Variants in TYW1B observed in about 807,000 individuals in gnomAD.
TYW1B encodes the protein S-adenosyl-L-methionine-dependent tRNA 4-demethylwyosine synthase TYW1B.
In TYW1B, 73 loss-of-function variants were observed where a neutral mutation model predicts 86.9. The observed-to-expected ratio is 0.84, with a 90% confidence interval of 0.70 to 1.02. TYW1B has a LOEUF of 1.02. TYW1B is among the 50% of genes least tolerant of loss of function. The probability of loss-of-function intolerance (pLI) is 0.00; values close to 1 mark genes in which losing one functional copy is unlikely to be tolerated. For synonymous variants in TYW1B, 248 were observed against 292.8 expected, an observed-to-expected ratio of 0.85 and a Z score of 1.56; for missense variants, 637 against 827.4, an observed-to-expected ratio of 0.77 and a Z score of 2.82.
At chr7:72,726,160 G>A (rs1460658561) in intron 9 of TYW1B, among the ~76,000 whole-genome samples, 1 of 152,006 alleles carries the variant, frequency 6.6e-6, no homozygotes, top group Non-Finnish European at 1.5e-5. Flanking sequence ...CTTTATCCAA[G>A]TATAAGAATG....
chr7:72,735,531 C>T (rs9638309), intron 8 of TYW1B, among the ~76,000 whole-genome samples: 103,639 of 148,658 alleles, frequency 0.7, 36,893 homozygotes, highest in Non-Finnish European at 0.77. Flanking sequence ...AAGATTGTGT[C>T]ACTGCACTCC....
At chr7:72,827,877 T>C (rs1220943833) in intron 1 of TYW1B, among the ~76,000 whole-genome samples, 195 bp downstream of exon 1, 2 of 152,224 alleles carry the variant, frequency 1.3e-5, no homozygotes, top group Non-Finnish European at 1.5e-5. Context: ...TCTAACCCCC[T>C]AGCCTCAAAA....
chr7:72,815,597 G>C, intron 2 of TYW1B, 116 bp from the exon 3 acceptor site: 4 of 842,998 alleles, frequency 4.7e-6, no homozygotes, highest in South Asian at 3.3e-5. Flanking sequence ...TTCAGTGACT[G>C]ATATGAACCC....
Position 72,616,750 on chromosome 7 carries a change from C to T in TYW1B, c.1707G>A (p.Glu569=), listed in dbSNP as rs371157565. Residue 569 remains glutamate, a synonymous_variant, in exon 13 of 14, where the codon GAG becomes GAA. Coordinates refer to ENST00000620995, the MANE Select transcript of TYW1B (RefSeq NM_001145440.3). ...WHEEVVQFVR[E]LVDLIPEYEI... ...CATATTCGGGGATCAGATCCACCAG[C>T]TCGCGGACAAACTGTACCACTTCCT... is the stretch of plus-strand genomic sequence containing the variant. 35 of 1,614,128 alleles carry T rather than the reference C, an allele frequency of 2.2e-5. No individual in the cohort carries two copies. The highest frequency in any genetic ancestry group is 3.3e-5 in the Admixed American group (2 of 60,008).
intron 1 of TYW1B, 146 bp downstream of exon 1, chr7:72,827,926 G>A: frequency 6.8e-7 from 1 of 1,472,600 alleles, no homozygotes; most frequent in Non-Finnish European, 9.2e-7. Context: ...GGTCCTCCTT[G>A]CTCTCAGCGG....
chr7:72,798,586 G>A (rs1451367013), intron 6 of TYW1B, among the ~76,000 whole-genome samples: 1 of 152,076 alleles, frequency 6.6e-6, no homozygotes, highest in Non-Finnish European at 1.5e-5. Flanking sequence ...ATAAGCCTGT[G>A]GAAATGCTGT....
chr7:72,766,570 C>T (rs554512919), intron 7 of TYW1B, among the ~76,000 whole-genome samples: 34 of 142,862 alleles, frequency 2.4e-4, no homozygotes, highest in Admixed American at 8.1e-4. Flanking sequence ...GCCAAGATCA[C>T]GCCACTGTAC....
intron 7 of TYW1B, among the ~76,000 whole-genome samples, chr7:72,749,125 G>A (rs577380185): frequency 1.2e-4 from 18 of 152,244 alleles, no homozygotes; most frequent in Admixed American, 1.1e-3. Context: ...GGATTATTCC[G>A]ATTATATATT....
chr7:72,752,924 TA>T (rs782632893), intron 7 of TYW1B, among the ~76,000 whole-genome samples: 7 of 151,896 alleles, frequency 4.6e-5, no homozygotes, highest in Non-Finnish European at 1.0e-4. Context: ...AAACAGAAAA[TA>T]ACTGTAATGG....
intron 7 of TYW1B, among the ~76,000 whole-genome samples, chr7:72,769,770 G>A (rs568272868): frequency 1.1e-4 from 16 of 152,230 alleles, no homozygotes; most frequent in Admixed American, 2.0e-4. Context: ...CAGCCAATAC[G>A]CACAACACAA....
intron 11 of TYW1B, among the ~76,000 whole-genome samples, chr7:72,693,434 G>C (rs1387627633): frequency 1.5e-5 from 2 of 134,218 alleles, no homozygotes; most frequent in African/African-American, 5.7e-5. Context: ...TTTTTAGATA[G>C]GGGTCTCACT....
intron 9 of TYW1B, among the ~76,000 whole-genome samples, chr7:72,721,050 C>T (rs11979182): frequency 0.098 from 14,830 of 152,074 alleles, 806 homozygotes; most frequent in African/African-American, 0.12. Context: ...TTTCCAGCTT[C>T]ATCCATGTCC....
At chr7:72,630,736 TATC>T (rs1554439703) in intron 11 of TYW1B, among the ~76,000 whole-genome samples, 1 of 152,170 alleles carries the variant, frequency 6.6e-6, no homozygotes. Flanking sequence ...AAATGCAGTA[TATC>T]ATGCAAGGAA....
chr7:72,645,716 G>A (rs1351698445), intron 11 of TYW1B, among the ~76,000 whole-genome samples: 2 of 151,930 alleles, frequency 1.3e-5, no homozygotes, highest in Non-Finnish European at 2.9e-5. Context: ...TCAAAACCAG[G>A]CAAATCTACC....
chr7:72,797,826 G>GT (rs1188986677), intron 6 of TYW1B, among the ~76,000 whole-genome samples: 1 of 152,136 alleles, frequency 6.6e-6, no homozygotes, highest in African/African-American at 2.4e-5. Flanking sequence ...CTTCCAGCAG[G>GT]TATCTGAAGT....
chr7:72,612,297 G>C (rs1381477961), intron 13 of TYW1B, among the ~76,000 whole-genome samples: 14 of 152,088 alleles, frequency 9.2e-5, no homozygotes, highest in Non-Finnish European at 4.4e-5. Context: ...ACAAAAAGTA[G>C]AATTCCTGAG....
At chr7:72,628,142 G>A (rs1219030101) in intron 12 of TYW1B, among the ~76,000 whole-genome samples, 3 of 152,086 alleles carry the variant, frequency 2.0e-5, no homozygotes, top group African/African-American at 7.2e-5. Flanking sequence ...AAATAGCCAG[G>A]CATAGTGGCG....
chr7:72,798,088 G>A (rs1405418693), intron 6 of TYW1B, among the ~76,000 whole-genome samples: 13 of 151,512 alleles, frequency 8.6e-5, no homozygotes, highest in African/African-American at 2.2e-4. Context: ...AAATATAAAC[G>A]CACATTTTTT....
chr7:72,678,362 G>C (rs1256516434), intron 11 of TYW1B, among the ~76,000 whole-genome samples: 4 of 152,106 alleles, frequency 2.6e-5, no homozygotes, highest in Admixed American at 2.6e-4. Context: ...AGTCCTGAAG[G>C]AAATGAGAAA....
Sources: allele counts gnomAD v4.1 joint callset (sites outside exome capture counted in the v4.1 genomes callset), GRCh38; gene constraint gnomAD v4.1.1; transcripts MANE v1.5; gene names NCBI Gene and HGNC (gene_info 2026-07-23, HGNC 2026-07-21).